Variants in SSUH2 observed in about 807,000 individuals in gnomAD.
SSUH2 encodes the protein protein SSUH2 homolog.
Under a neutral mutation model 55.3 loss-of-function variants are expected in SSUH2, and 47 were observed. That is an observed-to-expected ratio of 0.85 (90% confidence interval 0.67 to 1.08). The LOEUF (loss-of-function observed/expected upper bound fraction) is 1.08, where lower values mean the gene tolerates loss of function less well. Among genes scored for constraint, SSUH2 ranks in the 50% least tolerant of loss-of-function variants. The probability of loss-of-function intolerance (pLI) is 0.00; values close to 1 mark genes in which losing one functional copy is unlikely to be tolerated. For synonymous variants in SSUH2, 212 were observed against 191.5 expected, an observed-to-expected ratio of 1.11 and a Z score of -0.89; for missense variants, 535 against 490.7, an observed-to-expected ratio of 1.09 and a Z score of -0.85.
intron 5 of SSUH2, among the ~76,000 whole-genome samples, chr3:8,666,437 A>G (rs774663167): frequency 1.3e-5 from 2 of 152,190 alleles, no homozygotes; most frequent in East Asian, 3.9e-4. Context: ...CAGGGAAGAA[A>G]CACCCACAAG....
At chr3:8,627,886 C>G (rs976210894) in intron 7 of SSUH2, 103 bp from the exon 8 acceptor site, 5 of 976,198 alleles carry the variant, frequency 5.1e-6, no homozygotes, top group Non-Finnish European at 7.4e-6. Flanking sequence ...CCTTCCTCCC[C>G]CTGGGCCTTA....
intron 1 of SSUH2, among the ~76,000 whole-genome samples, chr3:8,639,171 G>C (rs894681656): frequency 2.0e-5 from 3 of 152,224 alleles, no homozygotes; most frequent in Non-Finnish European, 4.4e-5. Flanking sequence ...GGGGCATTGT[G>C]TGACACCCAG....
chr3:8,651,073 T>C (rs1702344319), intron 7 of SSUH2, among the ~76,000 whole-genome samples: 1 of 152,212 alleles, frequency 6.6e-6, no homozygotes, highest in Non-Finnish European at 1.5e-5. Flanking sequence ...CTCCCTTCCT[T>C]CCTACTAATC....
chr3:8,669,978 T>C (rs573649264), intron 5 of SSUH2, among the ~76,000 whole-genome samples: 2 of 152,306 alleles, frequency 1.3e-5, no homozygotes, highest in East Asian at 3.9e-4. Context: ...CTGAATAGTG[T>C]TGTCCTGGCA....
exon 4 of SSUH2, chr3:8,671,906 A>G (rs1057051171): frequency 1.1e-4 from 16 of 151,822 alleles, no homozygotes; most frequent in African/African-American, 3.9e-4. Context: ...GGATATTACA[A>G]TCCACGGTGG....
chr3:8,641,422 C>T (rs1700822477), intron 1 of SSUH2, among the ~76,000 whole-genome samples: 1 of 152,176 alleles, frequency 6.6e-6, no homozygotes, highest in Non-Finnish European at 1.5e-5. Flanking sequence ...AAAAGCAGGG[C>T]TCAGGGAGTA....
At chr3:8,620,112 AG>A in intron 11 of SSUH2, 98 bp from the exon 12 acceptor site, 1 of 1,380,428 alleles carries the variant, frequency 7.2e-7, no homozygotes, top group Non-Finnish European at 9.9e-7. Context: ...GTGGTATGAA[AG>A]GTCCTGCTCT....
Position 8,630,928 on chromosome 3 carries a change from G to T in SSUH2, c.402C>A (p.Asn134Lys). 2 of 1,418,182 alleles carry T rather than the reference G, an allele frequency of 1.4e-6. No homozygotes were observed. The highest frequency in any genetic ancestry group is 9.3e-7 in the Non-Finnish European group (1 of 1,080,518). 87.8% of individuals were successfully genotyped at this position (1,418,182 alleles called of 1,614,324 possible). ...ISEWTFQPFT[N>K]HSVDGPQRGA... ...CTCTTTGCGGCCCATCCACAGAGTG[G>T]TCTGACACAGAAAGGGGTCATTGTA... The change falls in exon 6 of 12, where the codon AAC (asparagine) becomes AAA (lysine). Residue 134 changes from asparagine (N) to lysine (K), a missense_variant and splice_region_variant. By Grantham distance (94) the Asn-to-Lys change is moderately conservative. Transcript: ENST00000544814.
intron 7 of SSUH2, among the ~76,000 whole-genome samples, chr3:8,654,859 T>C (rs1294665878): frequency 1.3e-5 from 2 of 149,048 alleles, no homozygotes; most frequent in Admixed American, 6.7e-5. Flanking sequence ...CTCCCCCAGA[T>C]CTCAGTGTGT....
At chr3:8,635,168 A>C in intron 3 of SSUH2, 132 bp downstream of exon 3, 1 of 675,494 alleles carries the variant, frequency 1.5e-6, no homozygotes, top group Non-Finnish European at 2.4e-6. Flanking sequence ...TCCCTGGAGG[A>C]TCTGGTGCAG....
intron 7 of SSUH2, among the ~76,000 whole-genome samples, chr3:8,652,862 G>A (rs888456372): frequency 6.6e-6 from 1 of 152,120 alleles, no homozygotes; most frequent in East Asian, 1.9e-4. Flanking sequence ...GTGTCTTCAG[G>A]CCACTCTCCA....
At chr3:8,681,487 AG>A (rs1264414337) in intron 1 of SSUH2, among the ~76,000 whole-genome samples, 1 of 131,652 alleles carries the variant, frequency 7.6e-6, no homozygotes, top group Non-Finnish European at 1.6e-5. Flanking sequence ...GGGGGGAGGC[AG>A]CCCCCACGAG....
chr3:8,626,130 G>A, intron 9 of SSUH2, 99 bp downstream of exon 9: 1 of 952,180 alleles, frequency 1.1e-6, no homozygotes, highest in Non-Finnish European at 1.7e-6. Context: ...CTTGCACTGT[G>A]AAAGCCCCAA....
intron 7 of SSUH2, among the ~76,000 whole-genome samples, chr3:8,655,694 G>C (rs1435069549): frequency 6.6e-6 from 1 of 152,222 alleles, no homozygotes. Context: ...TCCATTTTCT[G>C]ATTGACATCA....
intron 5 of SSUH2, among the ~76,000 whole-genome samples, chr3:8,669,649 T>C (rs558050550): frequency 6.6e-6 from 1 of 152,340 alleles, no homozygotes; most frequent in South Asian, 2.1e-4. Context: ...CAGCAACAGA[T>C]GTGCCAATAG....
At chr3:8,648,860 A>G (rs1219686840), upstream of SSUH2, among the ~76,000 whole-genome samples, 1 of 152,044 alleles carries the variant, frequency 6.6e-6, no homozygotes, top group Non-Finnish European at 1.5e-5. Flanking sequence ...AACTTTCTTA[A>G]GAGACTCTGG....
chr3:8,634,269 G>A, intron 3 of SSUH2: 2 of 735,614 alleles, frequency 2.7e-6, no homozygotes, highest in Non-Finnish European at 4.0e-6. Context: ...GCTGATGGCA[G>A]CGCCCATGGA....
chr3:8,655,600 C>T (rs1702855179), intron 7 of SSUH2, among the ~76,000 whole-genome samples: 1 of 152,210 alleles, frequency 6.6e-6, no homozygotes, highest in African/African-American at 2.4e-5. Flanking sequence ...TCCCCACAAC[C>T]TCTATCTATT....
At chr3:8,620,535 C>A (rs973189378) in intron 11 of SSUH2, among the ~76,000 whole-genome samples, 1 of 152,224 alleles carries the variant, frequency 6.6e-6, no homozygotes, top group Admixed American at 6.5e-5. Flanking sequence ...TGCCTTCAAT[C>A]TGCCTTTCTA....
Sources: gnomAD v4.1 joint callset for allele counts (sites outside exome capture counted in the v4.1 genomes callset) on GRCh38, gnomAD v4.1.1 for gene constraint, MANE v1.5 for transcripts, NCBI Gene and HGNC (gene_info 2026-07-23, HGNC 2026-07-21) for gene names.